TNFRSF10B: variants seen among roughly 807,000 people sequenced by gnomAD.
The protein encoded by TNFRSF10B is TNF receptor superfamily member 10b.
TNFRSF10B carries 35 observed loss-of-function variants against 41.4 expected under a neutral mutation model. The ratio of observed to expected loss-of-function variants is 0.85; its 90% CI spans 0.65 to 1.12. The LOEUF is 1.12. Among genes scored for constraint, TNFRSF10B ranks in the 50% most tolerant of loss-of-function variants. TNFRSF10B has a pLI of 0.00. For missense variants in TNFRSF10B, 584 were observed against 552.7 expected (o/e 1.06, Z -0.57); for synonymous variants, 230 against 215.5 (o/e 1.07, Z -0.59).
chr8:23,068,409 AAG>A (rs1585232776), intron 1 of TNFRSF10B: 1 of 394,320 alleles, frequency 2.5e-6, no homozygotes, highest in East Asian at 5.2e-5. Context: ...GAAAAAGAGA[AAG>A]AAACAGAAAG....
intron 1 of TNFRSF10B, among the ~76,000 whole-genome samples, chr8:23,058,810 A>G (rs866522668): frequency 6.6e-6 from 1 of 152,268 alleles, no homozygotes; most frequent in Middle Eastern, 3.4e-3. Context: ...TAAATCAACA[A>G]TATTTCCATT....
At chr8:23,025,698 G>C (rs1312993603) in intron 7 of TNFRSF10B, among the ~76,000 whole-genome samples, 1 of 152,146 alleles carries the variant, frequency 6.6e-6, no homozygotes, top group African/African-American at 2.4e-5. Flanking sequence ...GGGCCAAAAG[G>C]CTGGGAAAGA....
At chr8:23,032,574 T>C (rs898785319) in intron 2 of TNFRSF10B, among the ~76,000 whole-genome samples, 2 of 152,212 alleles carry the variant, frequency 1.3e-5, no homozygotes, top group Admixed American at 6.5e-5. Flanking sequence ...ACCACTGAGA[T>C]TTTGGTAGGG....
In TNFRSF10B at chr8:23,021,833, ACTTCTT is replaced by A. The variant is rs1460632720; in HGVS notation, c.*832_*837del. 1 of 454,112 alleles carries A rather than the reference ACTTCTT, an allele frequency of 2.2e-6. No individual in the cohort carries two copies. Among genetic ancestry groups the A allele is most frequent in the Admixed American group, 2.3e-5 (1 of 42,574 alleles). The allele number at this position is 454,112 out of a possible 1,614,324, so 28.1% of individuals were successfully genotyped here. On this transcript the variant is annotated 3_prime_UTR_variant, in exon 9 of 9. Transcript: ENST00000276431. ...CCCAGACAGTGACATCTTACAGGGG[ACTTCTT>A]CTTCTTCCCCCATTGTATGTCTCCT...
chr8:23,059,349 C>T (rs1812757528), intron 1 of TNFRSF10B, among the ~76,000 whole-genome samples: 1 of 152,198 alleles, frequency 6.6e-6, no homozygotes, highest in Admixed American at 6.5e-5. Context: ...TGGACGTATA[C>T]CTAGAAGTGG....
chr8:23,024,398 A>T lies in TNFRSF10B; in HGVS notation c.937-138T>A, dbSNP rs1490699443. ...GTTCTGAAAGGTCTGGCAACAAGACAGGAGACAAAGGGGCAAGACTCTCGG... is the reference window on the plus strand; with the variant it reads ...GTTCTGAAAGGTCTGGCAACAAGACTGGAGACAAAGGGGCAAGACTCTCGG... On this transcript the variant is annotated intron_variant, in intron 7 of 8. Transcript: ENST00000276431. The T allele has an allele frequency of 4.6e-6, 4 of 876,162 alleles. No individual in the cohort carries two copies. The Admixed American group carries it at 8.0e-5, about 17-fold the overall frequency. 54.3% of individuals were successfully genotyped at this position (876,162 alleles called of 1,614,324 possible). A position where few individuals can be genotyped will look rare whatever the true frequency, so the allele number is the denominator to read the frequency against.
chr8:23,027,944 A>G (rs1352386730), intron 5 of TNFRSF10B, 191 bp from the exon 6 acceptor site: 3 of 660,444 alleles, frequency 4.5e-6, no homozygotes, highest in Non-Finnish European at 7.8e-6. Flanking sequence ...GAACTAGAGT[A>G]AAAACAAACA....
chr8:23,065,242 A>G (rs890565383), intron 1 of TNFRSF10B, among the ~76,000 whole-genome samples: 10 of 152,198 alleles, frequency 6.6e-5, no homozygotes, highest in East Asian at 1.9e-4. Flanking sequence ...CCCGCCGCCA[A>G]GCACATGCAG....
At chr8:23,043,513 G>A (rs939137946) in intron 1 of TNFRSF10B, among the ~76,000 whole-genome samples, 3 of 152,166 alleles carry the variant, frequency 2.0e-5, no homozygotes, top group African/African-American at 4.8e-5. Flanking sequence ...CAGACCACAC[G>A]TGATATTCTC....
rs1272955989 is a variant in TNFRSF10B, at chr8:23,022,548, G to A, written c.*123C>T. On this transcript the variant is annotated 3_prime_UTR_variant, in exon 9 of 9. Coordinates refer to ENST00000276431, the MANE Select transcript of TNFRSF10B (RefSeq NM_003842.5). ...ATCCACTGGGTGATGTTGGATGGGA[G>A]AGTTTCTTCCAGTACCGGTCATGTG... is the stretch of plus-strand genomic sequence containing the variant. 2.0e-6 allele frequency: 2 copies of A among 1,021,000 alleles called. No individual in the cohort carries two copies. The highest frequency in any genetic ancestry group is 2.0e-5 in the Admixed American group (1 of 50,888). 63.2% of individuals were successfully genotyped at this position (1,021,000 alleles called of 1,614,324 possible). A position where few individuals can be genotyped will look rare whatever the true frequency, so the allele number is the denominator to read the frequency against.
chr8:23,046,890 C>T (rs1386388334), intron 1 of TNFRSF10B, among the ~76,000 whole-genome samples: 1 of 152,098 alleles, frequency 6.6e-6, no homozygotes, highest in African/African-American at 2.4e-5. Flanking sequence ...GTTAGGAAAG[C>T]TGGATATCCA....
intron 1 of TNFRSF10B, among the ~76,000 whole-genome samples, chr8:23,056,087 C>T (rs1473492770): frequency 1.3e-5 from 2 of 152,062 alleles, no homozygotes; most frequent in Non-Finnish European, 2.9e-5. Context: ...CAGTTTGGTC[C>T]AGGAACAGTA....
rs375815613 is a variant in TNFRSF10B, at chr8:23,028,384, C to G, written c.695G>C (p.Cys232Ser). Reference sequence around the variant, plus strand: ...GACTTTCTTCCACAGTAAAGACTTGCAAACAAACACAGCCACAATCAAGAC... The same window carrying G: ...GACTTTCTTCCACAGTAAAGACTTGGAAACAAACACAGCCACAATCAAGAC... ...AVVLIVAVFVCKSLLWKKVLP... is the reference protein window; with the variant it reads ...AVVLIVAVFVSKSLLWKKVLP... Residue 232 changes from cysteine to serine, a missense_variant, in exon 5 of 9, where the codon TGC becomes TCC. Cys to Ser is a moderately radical substitution (Grantham distance 112, BLOSUM62 -1). Transcript: ENST00000276431. The G allele has an allele frequency of 9.9e-6, 16 of 1,614,032 alleles. No homozygotes were observed. Among genetic ancestry groups the G allele is most frequent in the Non-Finnish European group, 1.4e-5 (16 of 1,180,024 alleles).
At chr8:23,058,958 G>T (rs1812748333) in intron 1 of TNFRSF10B, among the ~76,000 whole-genome samples, 2 of 151,906 alleles carry the variant, frequency 1.3e-5, no homozygotes, top group African/African-American at 4.8e-5. Flanking sequence ...TATTAATGTT[G>T]TTGTGCAATA....
Position 23,020,561 on chromosome 8 carries a change from G to C in TNFRSF10B, c.*2110C>G, listed in dbSNP as rs577756718. ...ACAAAAATTAGCCAGGCGTGGTGGC[G>C]GGTGCCTGCAATCCCAGCTACTCCG... is the stretch of plus-strand genomic sequence containing the variant. On this transcript the variant is annotated 3_prime_UTR_variant, in exon 9 of 9. Transcript: ENST00000276431. The C allele has an allele frequency of 6.7e-6, 3 of 445,610 alleles. No homozygotes were observed. Among genetic ancestry groups the C allele is most frequent in the African/African-American group, 6.1e-5 (3 of 49,558 alleles). The allele number at this position is 445,610 out of a possible 1,614,324, so 27.6% of individuals were successfully genotyped here.
intron 2 of TNFRSF10B, among the ~76,000 whole-genome samples, chr8:23,031,399 T>TTATG (rs1811880146): frequency 6.7e-6 from 1 of 149,826 alleles, no homozygotes; most frequent in Non-Finnish European, 1.5e-5. Flanking sequence ...ATTTATTTAT[T>TTATG]TATTTATTTA....
intron 2 of TNFRSF10B, among the ~76,000 whole-genome samples, chr8:23,032,713 A>C (rs1811917167): frequency 6.6e-6 from 1 of 152,240 alleles, no homozygotes; most frequent in South Asian, 2.1e-4. Context: ...TTCAGCGTAA[A>C]AGTTTTGCAG....
intron 2 of TNFRSF10B, among the ~76,000 whole-genome samples, chr8:23,035,919 C>T (rs981596036): frequency 3.9e-5 from 6 of 152,174 alleles, no homozygotes; most frequent in Non-Finnish European, 8.8e-5. Flanking sequence ...CAGGTCCAGG[C>T]TGCCGTAGAC....
chr8:23,023,173 G>A (rs559447322), intron 8 of TNFRSF10B, among the ~76,000 whole-genome samples, 189 bp from the exon 9 acceptor site: 2 of 145,428 alleles, frequency 1.4e-5, no homozygotes, highest in Admixed American at 7.1e-5. Flanking sequence ...TCCCCCACAC[G>A]CAAGGCACTG....
Sources: gnomAD v4.1 joint callset for allele counts (sites outside exome capture counted in the v4.1 genomes callset) on GRCh38, gnomAD v4.1.1 for gene constraint, MANE v1.5 for transcripts, NCBI Gene and HGNC (gene_info 2026-07-23, HGNC 2026-07-21) for gene names.